Variants in UMAD1 observed in about 807,000 individuals in gnomAD.
UMAD1 encodes the protein UBAP1-MVB12-associated (UMA)-domain containing protein 1.
A neutral mutation model predicts 6.1 loss-of-function variants in UMAD1; 8 were observed. That is an observed-to-expected ratio of 1.30 (90% CI 0.76 to 2.35). The LOEUF is 2.35. Among genes scored for constraint, UMAD1 ranks in the 30% most tolerant of loss-of-function variants. UMAD1 has a pLI of 0.00. For missense variants in UMAD1, 130 were observed against 78.4 expected, an observed-to-expected ratio of 1.66 and a Z score of -2.49; for synonymous variants, 56 against 31.4, an observed-to-expected ratio of 1.78 and a Z score of -2.61.
intron 1 of UMAD1, among the ~76,000 whole-genome samples, chr7:7,672,773 C>T (rs990881076): frequency 2.6e-5 from 4 of 152,120 alleles, no homozygotes; most frequent in Admixed American, 2.0e-4. Context: ...ATCACTCAGT[C>T]GAGGATATTT....
chr7:7,682,010 G>T (rs1345209426), intron 2 of UMAD1, among the ~76,000 whole-genome samples: 1 of 152,088 alleles, frequency 6.6e-6, no homozygotes, highest in East Asian at 1.9e-4. Flanking sequence ...TATTGTTGTT[G>T]GTTCACTAAT....
At chr7:7,766,733 TTAAA>T (rs1398988357) in intron 2 of UMAD1, among the ~76,000 whole-genome samples, 1 of 152,228 alleles carries the variant, frequency 6.6e-6, no homozygotes, top group Non-Finnish European at 1.5e-5. Flanking sequence ...ATTTTTTCAT[TTAAA>T]TATATATGTA....
intron 3 of UMAD1, among the ~76,000 whole-genome samples, chr7:7,816,284 A>T (rs950563870): frequency 6.6e-6 from 1 of 152,194 alleles, no homozygotes; most frequent in Non-Finnish European, 1.5e-5. Context: ...TCCTGTCTCC[A>T]CTATATAAAT....
At chr7:7,654,771 G>A (rs1785302552) in intron 1 of UMAD1, among the ~76,000 whole-genome samples, 2 of 151,932 alleles carry the variant, frequency 1.3e-5, no homozygotes, top group South Asian at 4.2e-4. Context: ...AGGTGTGGTG[G>A]CGGGTGCCTG....
At position 7,770,421 on chromosome 7, in the gene UMAD1, C is replaced by G. The variant is rs536620326; in HGVS notation, c.83-31249C>G. On this transcript the variant is annotated intron_variant, in intron 2 of 3. Transcript: ENST00000682710. ...TCCATCTTATAAACATTTCCCAATC[C>G]CCGTTGGCATAAAAACACCACTGTT... is the stretch of plus-strand genomic sequence containing the variant. 1.7e-3 allele frequency among the ~76,000 whole-genome samples: 263 copies of G among 152,194 alleles called. 2 individuals carry two copies. Among genetic ancestry groups the G allele is most frequent in the African/African-American group, 6.0e-3 (251 of 41,518 alleles).
intron 3 of UMAD1, among the ~76,000 whole-genome samples, chr7:7,832,261 T>G (rs1383031441): frequency 2.6e-5 from 4 of 152,246 alleles, no homozygotes; most frequent in African/African-American, 9.6e-5. Context: ...TGGTTTTTCT[T>G]AATCTTGACA....
rs558650699 is a variant in UMAD1, at chr7:7,712,724, A to T, written c.82+39271A>T. ...TCTAGTATGTTGAAGAGAAGTGTCA[A>T]AGAAAACATCTTTTCCCCACTTTTG... On this transcript the variant is annotated intron_variant, in intron 2 of 3. Transcript: ENST00000682710. Among the ~76,000 whole-genome samples the T allele has an allele frequency of 6.6e-5, 10 of 152,318 alleles. 1 individual carries two copies. The highest frequency in any genetic ancestry group is 2.4e-4 in the African/African-American group (10 of 41,562).
chr7:7,665,028 C>G (rs1038169478), intron 1 of UMAD1, among the ~76,000 whole-genome samples: 19 of 152,196 alleles, frequency 1.2e-4, no homozygotes, highest in African/African-American at 3.6e-4. Context: ...CACACACACA[C>G]ATTCATACAC....
intron 3 of UMAD1, among the ~76,000 whole-genome samples, chr7:7,851,272 C>A (rs530218262): frequency 6.6e-6 from 1 of 152,104 alleles, no homozygotes; most frequent in African/African-American, 2.4e-5. Flanking sequence ...TATTCCATTG[C>A]GTGGCTATAC....
intron 1 of UMAD1, among the ~76,000 whole-genome samples, chr7:7,664,463 C>T (rs886524724): frequency 2.6e-5 from 4 of 152,200 alleles, no homozygotes; most frequent in Non-Finnish European, 5.9e-5. Flanking sequence ...CTGACACTTT[C>T]CTGACGCTTA....
At chr7:7,813,662 G>C (rs1162348820) in intron 3 of UMAD1, among the ~76,000 whole-genome samples, 1 of 152,136 alleles carries the variant, frequency 6.6e-6, no homozygotes, top group Non-Finnish European at 1.5e-5. Flanking sequence ...GTAAATGGTT[G>C]TATAACCCTA....
chr7:7,876,263 G>A (rs1784417453), intron 3 of UMAD1, among the ~76,000 whole-genome samples: 1 of 152,144 alleles, frequency 6.6e-6, no homozygotes, highest in South Asian at 2.1e-4. Context: ...CACTTGCAAG[G>A]AGCACTAGCA....
chr7:7,812,036 A>G (rs1040796959), intron 3 of UMAD1, among the ~76,000 whole-genome samples: 1 of 152,184 alleles, frequency 6.6e-6, no homozygotes, highest in African/African-American at 2.4e-5. Context: ...CGTAACTTCA[A>G]ATTTGTACAT....
At chr7:7,655,772 T>C (rs935578121) in intron 1 of UMAD1, among the ~76,000 whole-genome samples, 9 of 152,134 alleles carry the variant, frequency 5.9e-5, no homozygotes, top group Non-Finnish European at 1.0e-4. Flanking sequence ...TATTTTAATT[T>C]AAAAAATATT....
chr7:7,752,638 AG>A (rs1288217006), intron 2 of UMAD1, among the ~76,000 whole-genome samples: 1 of 152,140 alleles, frequency 6.6e-6, no homozygotes, highest in Non-Finnish European at 1.5e-5. Context: ...TAGCATAATT[AG>A]AAGAGATGCC....
At chr7:7,645,816 G>GA (rs1785080853) in intron 1 of UMAD1, among the ~76,000 whole-genome samples, 1 of 125,012 alleles carries the variant, frequency 8.0e-6, no homozygotes, top group South Asian at 2.3e-4. Context: ...TTTTGTTTAG[G>GA]ATTTTTTTTT....
intron 3 of UMAD1, among the ~76,000 whole-genome samples, chr7:7,858,851 A>G (rs968480509): frequency 2.0e-5 from 3 of 152,156 alleles, no homozygotes; most frequent in African/African-American, 7.2e-5. Flanking sequence ...TCTTTCATAC[A>G]TGTACATCTT....
chr7:7,687,539 C>G (rs1316907316), intron 2 of UMAD1, among the ~76,000 whole-genome samples: 1 of 152,168 alleles, frequency 6.6e-6, no homozygotes, highest in Non-Finnish European at 1.5e-5. Context: ...GACTGGAAGG[C>G]CGATCTATGC....
At chr7:7,694,517 A>G (rs1201612983) in intron 2 of UMAD1, among the ~76,000 whole-genome samples, 1 of 151,900 alleles carries the variant, frequency 6.6e-6, no homozygotes, top group African/African-American at 2.4e-5. Flanking sequence ...AACCATCTCC[A>G]TTCCCCACCC....
Sources: allele counts gnomAD v4.1 joint callset (sites outside exome capture counted in the v4.1 genomes callset), GRCh38; gene constraint gnomAD v4.1.1; transcripts MANE v1.5; gene names NCBI Gene and HGNC (gene_info 2026-07-23, HGNC 2026-07-21).